Variants in MAST4 observed in about 807,000 individuals in gnomAD.
MAST4 encodes microtubule-associated serine/threonine-protein kinase 4.
MAST4 carries 89 observed loss-of-function variants against 162.7 expected under a neutral mutation model. That is an observed-to-expected ratio of 0.55 (90% CI 0.46 to 0.65). The LOEUF (loss-of-function observed/expected upper bound fraction) is 0.65. MAST4 is among the 30% of genes least tolerant of loss of function. The pLI, the probability that MAST4 is intolerant of heterozygous loss-of-function variation, is 0.00. For synonymous variants in MAST4, 1,479 were observed against 1,361.1 expected, an observed-to-expected ratio of 1.09 and a Z score of -1.91; for missense variants, 3,153 against 3,374.0, an observed-to-expected ratio of 0.93 and a Z score of 1.62.
chr5:66,994,209 A>G (rs578123428), intron 4 of MAST4, among the ~76,000 whole-genome samples: 361 of 152,270 alleles, frequency 2.4e-3, no homozygotes, highest in Middle Eastern at 0.01. Context: ...AAGTGAGGAG[A>G]AGACATGAAA....
intron 1 of MAST4, among the ~76,000 whole-genome samples, chr5:66,693,432 C>G (rs1749180958): frequency 6.6e-6 from 1 of 152,056 alleles, no homozygotes; most frequent in Non-Finnish European, 1.5e-5. Flanking sequence ...TTGGGAAAAC[C>G]ATGATTTGGA....
intron 2 of MAST4, among the ~76,000 whole-genome samples, chr5:66,786,749 A>C (rs1008282070): frequency 2.6e-5 from 4 of 152,218 alleles, no homozygotes; most frequent in Admixed American, 2.0e-4. Context: ...AAAAATTAAA[A>C]TTCTAGGCTT....
chr5:66,600,514 G>A (rs1387577594), intron 1 of MAST4, among the ~76,000 whole-genome samples: 2 of 152,322 alleles, frequency 1.3e-5, no homozygotes, highest in Non-Finnish European at 2.9e-5. Flanking sequence ...GTCTTTGTAC[G>A]CCTAGCATGG....
At chr5:66,732,917 T>TA (rs1257466758) in intron 1 of MAST4, among the ~76,000 whole-genome samples, 1 of 152,208 alleles carries the variant, frequency 6.6e-6, no homozygotes, top group Non-Finnish European at 1.5e-5. Context: ...TTTTGGAAGA[T>TA]ATGAGAATTA....
intron 4 of MAST4, among the ~76,000 whole-genome samples, chr5:66,964,429 T>C (rs894953100): frequency 6.6e-6 from 1 of 152,192 alleles, no homozygotes; most frequent in Non-Finnish European, 1.5e-5. Flanking sequence ...TCACTATTTA[T>C]GGATATAGTG....
At chr5:67,049,360 T>C (rs1757887332) in intron 4 of MAST4, among the ~76,000 whole-genome samples, 1 of 152,094 alleles carries the variant, frequency 6.6e-6, no homozygotes, top group Admixed American at 6.5e-5. Flanking sequence ...AATCCCTTCA[T>C]TGTGAAGAAA....
At chr5:66,885,082 C>A (rs781774816) in intron 3 of MAST4, among the ~76,000 whole-genome samples, 2 of 152,158 alleles carry the variant, frequency 1.3e-5, no homozygotes, top group African/African-American at 4.8e-5. Context: ...CTTGCACAGA[C>A]AGAATGCAAA....
chr5:66,907,167 G>C (rs1469498189), intron 4 of MAST4, among the ~76,000 whole-genome samples: 6 of 35,692 alleles, frequency 1.7e-4, no homozygotes, highest in African/African-American at 6.3e-4. Flanking sequence ...GCGAGAGAGA[G>C]AGAGAGAGAG....
At chr5:66,618,183 G>A (rs1480574834) in intron 1 of MAST4, among the ~76,000 whole-genome samples, 1 of 152,206 alleles carries the variant, frequency 6.6e-6, no homozygotes, top group Non-Finnish European at 1.5e-5. Context: ...CCTGCCCACG[G>A]CCTTTTCTGC....
intron 4 of MAST4, among the ~76,000 whole-genome samples, chr5:66,919,660 G>GAAAAAAAAAAAA (rs56802433): frequency 3.1e-5 from 3 of 96,932 alleles, no homozygotes; most frequent in South Asian, 3.2e-4. Flanking sequence ...CTCCGTCACA[G>GAAAAAAAAAAAA]AAAAAAAAAA....
intron 1 of MAST4, among the ~76,000 whole-genome samples, chr5:66,720,326 A>G (rs1751117382): frequency 6.6e-6 from 1 of 151,772 alleles, no homozygotes; most frequent in Non-Finnish European, 1.5e-5. Flanking sequence ...AACATTTTCA[A>G]TAGCATAAAA....
chr5:66,835,876 A>G (rs1217543487), intron 3 of MAST4, among the ~76,000 whole-genome samples: 1 of 152,194 alleles, frequency 6.6e-6, no homozygotes, highest in Non-Finnish European at 1.5e-5. Flanking sequence ...TGCCATTAAA[A>G]TCATGCTTTT....
chr5:67,159,043 A>G (rs1024284553), intron 26 of MAST4, among the ~76,000 whole-genome samples: 1 of 152,240 alleles, frequency 6.6e-6, no homozygotes, highest in Non-Finnish European at 1.5e-5. Flanking sequence ...TCAAAAAACA[A>G]CAAAAAAAGA....
intron 1 of MAST4, among the ~76,000 whole-genome samples, chr5:66,686,466 A>T (rs1189921678): frequency 3.3e-5 from 5 of 152,324 alleles, no homozygotes; most frequent in Admixed American, 2.0e-4. Flanking sequence ...GGATCAAAAA[A>T]CTGTCATGAA....
intron 4 of MAST4, among the ~76,000 whole-genome samples, chr5:66,958,143 AAGAGAAAGAGAGAG>A (rs894840554): frequency 3.3e-5 from 5 of 151,890 alleles, no homozygotes; most frequent in African/African-American, 9.7e-5. Context: ...GTATGTGTGA[AAGAGAAAGAGAGAG>A]AGAGAAAGAG....
chr5:67,129,158 G>C (rs1454515521), intron 14 of MAST4, among the ~76,000 whole-genome samples: 1 of 152,168 alleles, frequency 6.6e-6, no homozygotes, highest in Non-Finnish European at 1.5e-5. Context: ...GTGGGTCTGA[G>C]AGAACAGAAA....
At chr5:66,695,539 T>C (rs1005279180) in intron 1 of MAST4, among the ~76,000 whole-genome samples, 2 of 152,168 alleles carry the variant, frequency 1.3e-5, no homozygotes, top group Non-Finnish European at 2.9e-5. Flanking sequence ...TAGTTTTTTT[T>C]CTAATTATGT....
rs150629588 is a variant in MAST4 at position 66,871,346 on chromosome 5, C to T, written c.643-28605C>T. 1.8e-3 allele frequency among the ~76,000 whole-genome samples: 273 copies of T among 152,212 alleles called. 3 individuals are homozygous for T. Among genetic ancestry groups the T allele is most frequent in the African/African-American group, 6.5e-3 (268 of 41,522 alleles). On this transcript the variant is annotated intron_variant, in intron 3 of 28. Coordinates refer to ENST00000403625, the MANE Select transcript of MAST4 (RefSeq NM_001164664.2). ...ACTTTAAATTTAGATATTTTTAATT[C>T]ACAGTAATGGCTATTTTTAACAACT...
chr5:66,626,865 T>C (rs1202378285), intron 1 of MAST4, among the ~76,000 whole-genome samples: 1 of 152,076 alleles, frequency 6.6e-6, no homozygotes, highest in African/African-American at 2.4e-5. Flanking sequence ...GCGAGGGATG[T>C]TTGGGGAGTC....
Sources: gnomAD v4.1 joint callset for allele counts (sites outside exome capture counted in the v4.1 genomes callset) on GRCh38, gnomAD v4.1.1 for gene constraint, MANE v1.5 for transcripts, NCBI Gene and HGNC (gene_info 2026-07-23, HGNC 2026-07-21) for gene names.